Variants in SPMIP2 observed in about 807,000 individuals in gnomAD.
SPMIP2 encodes the protein sperm microtubule inner protein 2, also known as protein SPMIP2.
chr4:158,970,918 TGATTGGTTCACTGTGA>T, the SPMIP2 span, among the ~76,000 whole-genome samples: 4 of 152,070 alleles, frequency 2.6e-5, no homozygotes, highest in African/African-American at 4.8e-5. Context: ...AATCACTGTG[TGATTGGTTCACTGTGA>T]GATTGGTTCA....
the SPMIP2 span, among the ~76,000 whole-genome samples, chr4:158,903,811 T>C: frequency 1.3e-5 from 2 of 152,212 alleles, no homozygotes; most frequent in African/African-American, 4.8e-5. Flanking sequence ...GTTCAATTTT[T>C]TTTTTTCATG....
chr4:158,959,576 T>TA, the SPMIP2 span, among the ~76,000 whole-genome samples: 1 of 152,176 alleles, frequency 6.6e-6, no homozygotes, highest in African/African-American at 2.4e-5. Context: ...TGCTAATAGC[T>TA]AAATCCTTCA....
chr4:158,930,082 A>G, the SPMIP2 span, among the ~76,000 whole-genome samples: 1 of 152,186 alleles, frequency 6.6e-6, no homozygotes, highest in Non-Finnish European at 1.5e-5. Context: ...GCATACATAG[A>G]ATTCTTGGCT....
At chr4:158,915,083 G>T in the SPMIP2 span, 2 of 1,142,260 alleles carry the variant, frequency 1.8e-6, no homozygotes, top group African/African-American at 1.6e-5. Flanking sequence ...CTGATTATTA[G>T]TATTACTATG....
chr4:158,980,062 C>T, the SPMIP2 span, among the ~76,000 whole-genome samples: 1 of 151,964 alleles, frequency 6.6e-6, no homozygotes, highest in East Asian at 1.9e-4. Flanking sequence ...GGTGGTTTTC[C>T]CCTCACAGTG....
chr4:159,022,048 C>T, the SPMIP2 span, among the ~76,000 whole-genome samples: 1 of 152,100 alleles, frequency 6.6e-6, no homozygotes, highest in African/African-American at 2.4e-5. Flanking sequence ...GCCTACTTTG[C>T]TCTGTTTCCG....
the SPMIP2 span, among the ~76,000 whole-genome samples, chr4:158,976,284 C>A: frequency 7.9e-3 from 1,210 of 152,334 alleles, 18 homozygotes; most frequent in African/African-American, 0.028. Flanking sequence ...TTATTTCTTT[C>A]TCTTGCCTGA....
the SPMIP2 span, among the ~76,000 whole-genome samples, chr4:158,968,713 C>T: frequency 6.6e-6 from 1 of 152,178 alleles, no homozygotes; most frequent in Non-Finnish European, 1.5e-5. Flanking sequence ...CAGTACCATT[C>T]TTATTAATAA....
the SPMIP2 span, among the ~76,000 whole-genome samples, chr4:158,938,949 C>T: frequency 2.6e-5 from 4 of 152,150 alleles, no homozygotes; most frequent in African/African-American, 4.8e-5. Flanking sequence ...ATATAATTCC[C>T]GGTGTTCCCA....
At chr4:158,930,617 G>A in the SPMIP2 span, among the ~76,000 whole-genome samples, 1 of 151,516 alleles carries the variant, frequency 6.6e-6, no homozygotes, top group African/African-American at 2.4e-5. Flanking sequence ...TCAGCCTCCT[G>A]AGAATTTAGG....
chr4:159,018,016 A>C, the SPMIP2 span, among the ~76,000 whole-genome samples: 1 of 152,186 alleles, frequency 6.6e-6, no homozygotes, highest in Non-Finnish European at 1.5e-5. Context: ...CCAAGCTGGA[A>C]CCCATGAGGA....
At chr4:158,965,121 G>T in the SPMIP2 span, among the ~76,000 whole-genome samples, 2 of 152,074 alleles carry the variant, frequency 1.3e-5, no homozygotes, top group South Asian at 2.1e-4. Flanking sequence ...GCAGTGGGTG[G>T]AAACAAAAAA....
chr4:159,051,868 T>C, the SPMIP2 span, among the ~76,000 whole-genome samples: 1 of 152,198 alleles, frequency 6.6e-6, no homozygotes, highest in Admixed American at 6.5e-5. Flanking sequence ...GTTTCATTAC[T>C]GTTTAATATT....
chr4:158,896,768 C>T, the SPMIP2 span, among the ~76,000 whole-genome samples: 4 of 149,506 alleles, frequency 2.7e-5, no homozygotes, highest in African/African-American at 1.0e-4. Flanking sequence ...TGCAACATGT[C>T]TCTTTGTCGT....
At chr4:158,913,224 T>C in the SPMIP2 span, among the ~76,000 whole-genome samples, 2 of 152,178 alleles carry the variant, frequency 1.3e-5, no homozygotes, top group Admixed American at 6.5e-5. Context: ...CTGTTGTTGT[T>C]GTTGTTGTTA....
the SPMIP2 span, among the ~76,000 whole-genome samples, chr4:159,046,221 C>T: frequency 6.9e-6 from 1 of 145,962 alleles, no homozygotes; most frequent in African/African-American, 2.6e-5. Context: ...AGAGTGAGAC[C>T]CTGTCTCAAG....
the SPMIP2 span, among the ~76,000 whole-genome samples, chr4:158,942,443 C>T: frequency 6.6e-6 from 1 of 152,168 alleles, no homozygotes; most frequent in African/African-American, 2.4e-5. Context: ...GTTAAGTATC[C>T]AAACCCAGCA....
the SPMIP2 span, chr4:159,007,880 G>A: frequency 2.1e-6 from 1 of 486,228 alleles, no homozygotes; most frequent in South Asian, 1.5e-5. Context: ...GTTGTGTGTG[G>A]GAAAAAAAAG....
the SPMIP2 span, among the ~76,000 whole-genome samples, chr4:158,903,224 G>A: frequency 1.3e-5 from 2 of 152,140 alleles, no homozygotes; most frequent in Non-Finnish European, 2.9e-5. Context: ...CCCTTGGGTA[G>A]GGGAAACAAT....
Sources: gnomAD v4.1 joint callset for allele counts (sites outside exome capture counted in the v4.1 genomes callset) on GRCh38, gnomAD v4.1.1 for gene constraint, MANE v1.5 for transcripts, NCBI Gene and HGNC (gene_info 2026-07-23, HGNC 2026-07-21) for gene names.